NEAT1: variants seen among roughly 807,000 people sequenced by gnomAD.
NEAT1 encodes nuclear paraspeckle assembly transcript 1.
At chr11:65,432,863 C>T (rs1856625083) in exon 1 of NEAT1, 1 of 151,670 alleles carries the variant, frequency 6.6e-6, no homozygotes, top group Non-Finnish European at 1.5e-5. Context: ...CACTTTGAGT[C>T]TCTAGTGTCC....
At chr11:65,439,506 C>T (rs1214227647) in exon 1 of NEAT1, 4 of 151,758 alleles carry the variant, frequency 2.6e-5, no homozygotes, top group Admixed American at 6.6e-5. Context: ...GCCAGCATAG[C>T]GAAAACTTGT....
At chr11:65,436,489 G>C (rs1467599920) in exon 1 of NEAT1, 2 of 152,226 alleles carry the variant, frequency 1.3e-5, no homozygotes, top group African/African-American at 4.8e-5. Flanking sequence ...CAAACCCTGT[G>C]GGTGATTCAG....
chr11:65,425,720 G>T (rs1856554364), exon 1 of NEAT1: 1 of 152,058 alleles, frequency 6.6e-6, no homozygotes, highest in African/African-American at 2.4e-5. Flanking sequence ...AATTTCAAGG[G>T]AATTTAGTAT....
At chr11:65,438,666 GTC>G (rs1856687663) in exon 1 of NEAT1, 1 of 152,160 alleles carries the variant, frequency 6.6e-6, no homozygotes, top group African/African-American at 2.4e-5. Context: ...TTTTGGGTCT[GTC>G]TGATTTCACT....
exon 1 of NEAT1, chr11:65,444,480 A>G: frequency 2.1e-6 from 1 of 475,644 alleles, no homozygotes; most frequent in Non-Finnish European, 4.4e-6. Flanking sequence ...CCTGCTGGGC[A>G]GGGCTTCTGA....
chr11:65,437,866 A>G (rs1469750414), exon 1 of NEAT1: 1 of 152,148 alleles, frequency 6.6e-6, no homozygotes, highest in African/African-American at 2.4e-5. Flanking sequence ...GACAGTGTCC[A>G]GTTCAGTGGT....
At chr11:65,433,178 CTTCTT>C (rs1418212196) in exon 1 of NEAT1, 5 of 152,014 alleles carry the variant, frequency 3.3e-5, no homozygotes, top group African/African-American at 1.2e-4. Flanking sequence ...GGTATAATGA[CTTCTT>C]TTCCTTTGGG....
exon 1 of NEAT1, chr11:65,428,899 C>T (rs1210091481): frequency 1.3e-5 from 2 of 151,894 alleles, no homozygotes; most frequent in Non-Finnish European, 2.9e-5. Flanking sequence ...CCTCAGTAAT[C>T]TTACCAGTAA....
chr11:65,434,919 T>A (rs537480618), exon 1 of NEAT1: 1 of 152,368 alleles, frequency 6.6e-6, no homozygotes, highest in South Asian at 2.1e-4. Flanking sequence ...GTCATCTGTG[T>A]GTGAATTTAG....
At chr11:65,437,228 C>CAT (rs377012577) in exon 1 of NEAT1, 3,155 of 129,230 alleles carry the variant, frequency 0.024, 122 homozygotes, top group African/African-American at 0.088. Flanking sequence ...TATATATATA[C>CAT]ATATATATAT....
chr11:65,423,201 A>C (rs1856517689), exon 1 of NEAT1: 1 of 153,184 alleles, frequency 6.5e-6, no homozygotes, highest in Admixed American at 6.5e-5. Context: ...AGCCCTGGAA[A>C]TGATCAGGAA....
chr11:65,423,603 A>G (rs531399326), exon 1 of NEAT1: 1 of 152,444 alleles, frequency 6.6e-6, no homozygotes, highest in East Asian at 1.9e-4. Context: ...TGGGGACAAC[A>G]TTGACCAACG....
chr11:65,430,879 T>C (rs906556070), exon 1 of NEAT1: 4 of 152,364 alleles, frequency 2.6e-5, no homozygotes, highest in South Asian at 2.1e-4. Context: ...CTTGCTACTT[T>C]AAGAAATTTT....
exon 1 of NEAT1, chr11:65,434,625 C>T (rs764401220): frequency 6.6e-6 from 1 of 151,680 alleles, no homozygotes; most frequent in Non-Finnish European, 1.5e-5. Flanking sequence ...GTGCGATCAT[C>T]GTCATACACA....
chr11:65,444,262 ACTGTGTGTGT>A (rs1466164011), exon 1 of NEAT1: 32 of 295,012 alleles, frequency 1.1e-4, no homozygotes, highest in Admixed American at 2.0e-4. Context: ...TAGTCCTCAG[ACTGTGTGTGT>A]GTGTGTGTGT....
At chr11:65,436,888 A>G (rs1194718713) in exon 1 of NEAT1, 1 of 152,132 alleles carries the variant, frequency 6.6e-6, no homozygotes, top group Non-Finnish European at 1.5e-5. Flanking sequence ...TTCTGGGCAC[A>G]GCATGTGTAA....
chr11:65,430,018 C>T (rs1375247569), exon 1 of NEAT1: 4 of 152,214 alleles, frequency 2.6e-5, no homozygotes, highest in African/African-American at 7.2e-5. Flanking sequence ...TCTCCATTTC[C>T]CCATCTGAGT....
At chr11:65,441,260 G>A (rs576675808) in exon 1 of NEAT1, 5 of 152,278 alleles carry the variant, frequency 3.3e-5, no homozygotes, top group East Asian at 1.9e-4. Flanking sequence ...TGCATGGCAC[G>A]GAGGGTCTTG....
At chr11:65,438,754 C>T (rs544445395) in exon 1 of NEAT1, 1 of 152,280 alleles carries the variant, frequency 6.6e-6, no homozygotes, top group South Asian at 2.1e-4. Flanking sequence ...AATAATATTC[C>T]ACTGTATGGA....
Sources: allele counts gnomAD v4.1 joint callset, GRCh38; gene constraint gnomAD v4.1.1; transcripts MANE v1.5; gene names NCBI Gene and HGNC (gene_info 2026-07-23, HGNC 2026-07-21).